Variants in AUTS2 observed in about 807,000 individuals in gnomAD.
The protein encoded by AUTS2 is autism susceptibility gene 2 protein.
A neutral mutation model predicts 112.4 loss-of-function variants in AUTS2; 17 were observed. That is an observed-to-expected ratio of 0.15 (90% CI 0.10 to 0.23). The LOEUF is 0.23. Among genes scored for constraint, AUTS2 ranks in the 10% least tolerant of loss-of-function variants. The pLI, the probability that AUTS2 is intolerant of heterozygous loss-of-function variation, is 1.00. For missense variants in AUTS2, 1,510 were observed against 1,701.6 expected (o/e 0.89, Z 1.98); for synonymous variants, 751 against 702.7 (o/e 1.07, Z -1.09).
intron 4 of AUTS2, among the ~76,000 whole-genome samples, chr7:70,383,812 C>T (rs887821839): frequency 5.9e-5 from 9 of 152,242 alleles, no homozygotes; most frequent in African/African-American, 1.9e-4. Context: ...TTACTGTTTG[C>T]TGCCTCCCTT....
At chr7:69,981,369 A>T (rs1159293091) in intron 2 of AUTS2, among the ~76,000 whole-genome samples, 1 of 152,224 alleles carries the variant, frequency 6.6e-6, no homozygotes, top group Non-Finnish European at 1.5e-5. Context: ...ATCAGTTAAC[A>T]TTCACCCATG....
intron 2 of AUTS2, among the ~76,000 whole-genome samples, chr7:70,009,732 A>G (rs1224484050): frequency 6.6e-6 from 1 of 152,162 alleles, no homozygotes; most frequent in Non-Finnish European, 1.5e-5. Context: ...AATCTATGGT[A>G]TTATTATCTC....
chr7:70,233,497 T>C (rs1233972946), intron 4 of AUTS2, among the ~76,000 whole-genome samples: 1 of 152,192 alleles, frequency 6.6e-6, no homozygotes, highest in Non-Finnish European at 1.5e-5. Flanking sequence ...AAGGAATTGC[T>C]TAATGGACCT....
At chr7:70,607,198 C>G (rs891509939) in intron 5 of AUTS2, among the ~76,000 whole-genome samples, 2 of 151,842 alleles carry the variant, frequency 1.3e-5, no homozygotes, top group Admixed American at 1.3e-4. Context: ...ATTACAGTTC[C>G]TTTAGTAGCT....
At chr7:69,973,838 ATATTT>A (rs1797952830) in intron 2 of AUTS2, among the ~76,000 whole-genome samples, 2 of 151,960 alleles carry the variant, frequency 1.3e-5, no homozygotes, top group Admixed American at 6.6e-5. Context: ...TTATTTACTT[ATATTT>A]TGTTAAGGAC....
At chr7:69,898,801 A>G (rs942009847) in intron 1 of AUTS2, among the ~76,000 whole-genome samples, 16 of 152,234 alleles carry the variant, frequency 1.1e-4, no homozygotes, top group African/African-American at 3.6e-4. Flanking sequence ...TTTTAATCAT[A>G]TGAATAGACA....
intron 1 of AUTS2, among the ~76,000 whole-genome samples, chr7:69,655,664 C>T (rs1795495109): frequency 6.6e-6 from 1 of 152,092 alleles, no homozygotes; most frequent in African/African-American, 2.4e-5. Context: ...CTTGGCCCCA[C>T]CCAGAGATGA....
intron 5 of AUTS2, among the ~76,000 whole-genome samples, chr7:70,482,354 A>T (rs1479661442): frequency 6.6e-6 from 1 of 152,132 alleles, no homozygotes; most frequent in African/African-American, 2.4e-5. Flanking sequence ...ACACTTTGAA[A>T]AGGTGGGGAG....
intron 5 of AUTS2, among the ~76,000 whole-genome samples, chr7:70,675,544 C>A (rs1442486727): frequency 6.6e-6 from 1 of 152,176 alleles, no homozygotes; most frequent in Non-Finnish European, 1.5e-5. Context: ...CCAAAACTTA[C>A]TGGTGTAAAG....
intron 1 of AUTS2, among the ~76,000 whole-genome samples, chr7:69,868,007 T>C (rs961038790): frequency 1.3e-5 from 2 of 152,058 alleles, no homozygotes; most frequent in African/African-American, 4.8e-5. Context: ...TTTTATCTAG[T>C]AACCCTACAT....
intron 2 of AUTS2, among the ~76,000 whole-genome samples, chr7:70,099,023 C>G (rs1438913259): frequency 6.6e-6 from 1 of 151,830 alleles, no homozygotes; most frequent in Non-Finnish European, 1.5e-5. Context: ...TTTCTTATCC[C>G]CAGAAGTGTT....
At chr7:70,567,270 A>G (rs1585311438) in intron 5 of AUTS2, among the ~76,000 whole-genome samples, 1 of 152,312 alleles carries the variant, frequency 6.6e-6, no homozygotes, top group African/African-American at 2.4e-5. Context: ...ATGTTCTTCA[A>G]ACTCTATTTC....
intron 4 of AUTS2, among the ~76,000 whole-genome samples, chr7:70,283,897 A>G (rs1411309060): frequency 6.6e-6 from 1 of 152,178 alleles, no homozygotes; most frequent in African/African-American, 2.4e-5. Flanking sequence ...TCATCCTGTC[A>G]GTTAGGAACC....
intron 5 of AUTS2, among the ~76,000 whole-genome samples, chr7:70,664,025 T>C (rs1398603835): frequency 6.6e-6 from 1 of 152,180 alleles, no homozygotes; most frequent in Non-Finnish European, 1.5e-5. Context: ...AATGAAATTG[T>C]TGAGTTTGAG....
At chr7:70,377,773 CTTTTTTTTT>C (rs1200007177) in intron 4 of AUTS2, among the ~76,000 whole-genome samples, 1 of 137,520 alleles carries the variant, frequency 7.3e-6, no homozygotes, top group Non-Finnish European at 1.6e-5. Flanking sequence ...ATAATGTCTT[CTTTTTTTTT>C]TTTTTTTGTG....
chr7:69,775,615 G>T (rs1377645781), intron 1 of AUTS2, among the ~76,000 whole-genome samples: 3 of 152,050 alleles, frequency 2.0e-5, no homozygotes, highest in African/African-American at 7.2e-5. Flanking sequence ...GATGTGAGGG[G>T]TCGGGAAGTT....
At chr7:69,945,182 G>A (rs1438860221) in intron 2 of AUTS2, among the ~76,000 whole-genome samples, 2 of 152,068 alleles carry the variant, frequency 1.3e-5, no homozygotes, top group African/African-American at 2.4e-5. Flanking sequence ...TATTCACAGA[G>A]ATGCAGCCAT....
chr7:69,751,508 A>G (rs1787735594), intron 1 of AUTS2, among the ~76,000 whole-genome samples: 2 of 152,162 alleles, frequency 1.3e-5, no homozygotes, highest in Non-Finnish European at 2.9e-5. Flanking sequence ...GTACTATTCC[A>G]TATGATGGAA....
At chr7:69,722,584 C>G (rs1373687904) in intron 1 of AUTS2, among the ~76,000 whole-genome samples, 2 of 152,136 alleles carry the variant, frequency 1.3e-5, no homozygotes, top group African/African-American at 4.8e-5. Flanking sequence ...GATCCGCCTG[C>G]CTTGTCCCCG....
Sources: gnomAD v4.1 joint callset for allele counts (sites outside exome capture counted in the v4.1 genomes callset) on GRCh38, gnomAD v4.1.1 for gene constraint, MANE v1.5 for transcripts, NCBI Gene and HGNC (gene_info 2026-07-23, HGNC 2026-07-21) for gene names.